PIGL: variants seen among roughly 807,000 people sequenced by gnomAD.
PIGL encodes the protein N-acetylglucosaminyl-phosphatidylinositol de-N-acetylase.
In PIGL, 22 loss-of-function variants were observed where a neutral mutation model predicts 31.1. The ratio of observed to expected loss-of-function variants is 0.71; its 90% CI spans 0.51 to 1.01. The LOEUF (loss-of-function observed/expected upper bound fraction) is 1.01. PIGL is among the 50% of genes least tolerant of loss of function. The pLI is 0.00. For synonymous variants in PIGL, 131 were observed against 117.4 expected (o/e 1.12, Z -0.75); for missense variants, 302 against 315.9 (o/e 0.96, Z 0.33).
At chr17:16,237,062 C>T (rs573943701) in intron 2 of PIGL, among the ~76,000 whole-genome samples, 4 of 150,820 alleles carry the variant, frequency 2.7e-5, no homozygotes, top group East Asian at 2.0e-4. Flanking sequence ...GTCAGCCTCC[C>T]GAGTAACTGG....
chr17:16,264,968 G>A (rs1326861417), intron 2 of PIGL, among the ~76,000 whole-genome samples: 1 of 152,150 alleles, frequency 6.6e-6, no homozygotes, highest in African/African-American at 2.4e-5. Flanking sequence ...ATTTTCACAT[G>A]ACAATGTGAA....
At chr17:16,234,245 G>A (rs917071644) in intron 2 of PIGL, 175 bp downstream of exon 2, 17 of 470,934 alleles carry the variant, frequency 3.6e-5, no homozygotes, top group Admixed American at 1.0e-4. Flanking sequence ...CGAGGTGGGC[G>A]GTCTCAGGAG....
chr17:16,272,409 T>G (rs1205600033), intron 2 of PIGL, among the ~76,000 whole-genome samples: 1 of 152,178 alleles, frequency 6.6e-6, no homozygotes, highest in East Asian at 1.9e-4. Flanking sequence ...CTATTCCTAT[T>G]GTATTATTTG....
rs978728135 is a variant in PIGL, at chr17:16,297,772, G to A, written c.336-2116G>A. The stretch of plus-strand genomic sequence containing the variant: ...ACTGCAGGAGCACTATGAGAACCAC[G>A]TGGAGTGGCCGACAGGATAGGGCTT... On this transcript the variant is annotated intron_variant, in intron 2 of 6. Coordinates refer to ENST00000225609, the MANE Select transcript of PIGL (RefSeq NM_004278.4). Among the ~76,000 whole-genome samples the A allele has an allele frequency of 3.9e-5, 6 of 152,292 alleles. No individual in the cohort carries two copies. In the Middle Eastern group the frequency reaches 0.01, roughly 259 times the overall value.
intron 6 of PIGL, among the ~76,000 whole-genome samples, chr17:16,321,209 ATTAC>A (rs2093104146): frequency 7.2e-6 from 1 of 139,856 alleles, no homozygotes; most frequent in East Asian, 2.2e-4. Context: ...AAGTGCTGGG[ATTAC>A]AGGCATGAAC....
rs573743930 is a variant in PIGL at position 16,230,566 on chromosome 17, A to G, written c.236-3405A>G. On this transcript the variant is annotated intron_variant, in intron 1 of 6. Coordinates refer to ENST00000225609, the MANE Select transcript of PIGL (RefSeq NM_004278.4). ...ATGTTAAAGGAAAAACATTGCAGCTATTCCTTCCCATAACATACTTCTCAG... is the reference window on the plus strand; with the variant it reads ...ATGTTAAAGGAAAAACATTGCAGCTGTTCCTTCCCATAACATACTTCTCAG... 5.9e-5 allele frequency among the ~76,000 whole-genome samples: 9 copies of G among 152,110 alleles called. No homozygotes were observed. The East Asian group carries it at 1.7e-3, about 29-fold the overall frequency.
intron 2 of PIGL, among the ~76,000 whole-genome samples, chr17:16,234,767 AAATAAT>A (rs1005792823): frequency 1.1e-4 from 17 of 152,178 alleles, no homozygotes; most frequent in Non-Finnish European, 2.5e-4. Context: ...TCCGTCTCAA[AAATAAT>A]AATAATAATA....
At chr17:16,260,398 C>T (rs780777000) in intron 2 of PIGL, among the ~76,000 whole-genome samples, 2 of 152,196 alleles carry the variant, frequency 1.3e-5, no homozygotes, top group Non-Finnish European at 2.9e-5. Flanking sequence ...CTCATTTCCT[C>T]CCCTCTGAAG....
rs117015530 is a variant in PIGL, at chr17:16,288,516, T to C, written c.336-11372T>C. On this transcript the variant is annotated intron_variant, in intron 2 of 6. Coordinates refer to ENST00000225609, the MANE Select transcript of PIGL (RefSeq NM_004278.4). The stretch of plus-strand genomic sequence containing the variant: ...CACTGCGTCCAGCCTATTACTATTA[T>C]TCTTTTTTTCTTTTCTTTTTTTTCT... Among the ~76,000 whole-genome samples, 1,460 of 149,132 alleles carry C rather than the reference T, an allele frequency of 9.8e-3. 5 individuals carry two copies. The highest frequency in any genetic ancestry group is 0.015 in the Non-Finnish European group (1,013 of 67,392).
At chr17:16,227,643 T>G (rs1158572399) in intron 1 of PIGL, among the ~76,000 whole-genome samples, 33 of 138,862 alleles carry the variant, frequency 2.4e-4, no homozygotes, top group African/African-American at 8.9e-4. Flanking sequence ...TACAATGGCA[T>G]GATCTCGGCT....
intron 2 of PIGL, among the ~76,000 whole-genome samples, chr17:16,238,517 C>A (rs1411041066): frequency 6.9e-6 from 1 of 145,174 alleles, no homozygotes; most frequent in East Asian, 2.2e-4. Flanking sequence ...CTCACTGCAA[C>A]CTCCTCCTCC....
At chr17:16,314,230 G>A (rs1314262682) in intron 4 of PIGL, among the ~76,000 whole-genome samples, 1 of 152,176 alleles carries the variant, frequency 6.6e-6, no homozygotes, top group Non-Finnish European at 1.5e-5. Flanking sequence ...CCCTAGCAAA[G>A]TGCTTCTCCT....
chr17:16,239,259 G>A lies in PIGL; in HGVS notation c.335+5189G>A, dbSNP rs572733177. On this transcript the variant is annotated intron_variant, in intron 2 of 6. Coordinates refer to ENST00000225609, the MANE Select transcript of PIGL (RefSeq NM_004278.4). ...AGCACTTTGGGAGGCCGAGGCAGGC[G>A]GATCAGGAGGTCAAGGGTTCAAGAC... is the stretch of plus-strand genomic sequence containing the variant. Among the ~76,000 whole-genome samples, 10 of 151,284 alleles carry A rather than the reference G, an allele frequency of 6.6e-5. No homozygotes were observed. In the South Asian group the frequency reaches 1.3e-3, roughly 19 times the overall value.
At chr17:16,247,589 G>A (rs148656179) in intron 2 of PIGL, among the ~76,000 whole-genome samples, 6 of 152,250 alleles carry the variant, frequency 3.9e-5, no homozygotes, top group African/African-American at 9.6e-5. Flanking sequence ...GCGGATATTC[G>A]GCCCTCCAAG....
chr17:16,267,328 C>T (rs2092848473), intron 2 of PIGL, among the ~76,000 whole-genome samples: 1 of 151,974 alleles, frequency 6.6e-6, no homozygotes. Context: ...ATCTTGCTGT[C>T]TCAGGGGTGG....
chr17:16,310,091 A>AG (rs1367342390), intron 3 of PIGL, among the ~76,000 whole-genome samples: 4 of 151,542 alleles, frequency 2.6e-5, no homozygotes, highest in African/African-American at 7.3e-5. Context: ...AAAAAAAAAA[A>AG]AAAAGAAAGA....
chr17:16,253,176 C>G (rs1238073829), intron 2 of PIGL, among the ~76,000 whole-genome samples: 1 of 152,104 alleles, frequency 6.6e-6, no homozygotes, highest in Non-Finnish European at 1.5e-5. Flanking sequence ...ATAGCTTGAA[C>G]CCGGGAGGCG....
intron 1 of PIGL, among the ~76,000 whole-genome samples, chr17:16,220,480 ATTT>A (rs745948237): frequency 0.11 from 6,582 of 57,404 alleles, 448 homozygotes; most frequent in East Asian, 0.17. Flanking sequence ...TTAAATTGTT[ATTT>A]TTTTTTTTTT....
At chr17:16,254,315 C>A (rs920012476) in intron 2 of PIGL, among the ~76,000 whole-genome samples, 5 of 151,972 alleles carry the variant, frequency 3.3e-5, no homozygotes, top group African/African-American at 7.3e-5. Context: ...ATTGCCTAGG[C>A]TAGAGTGCAA....
Sources: gnomAD v4.1 joint callset for allele counts (sites outside exome capture counted in the v4.1 genomes callset) on GRCh38, gnomAD v4.1.1 for gene constraint, MANE v1.5 for transcripts, NCBI Gene and HGNC (gene_info 2026-07-23, HGNC 2026-07-21) for gene names.